SH3PXD2A: variants seen among roughly 807,000 people sequenced by gnomAD.
The protein encoded by SH3PXD2A is SH3 and PX domains 2A.
In SH3PXD2A, 32 loss-of-function variants were observed where a neutral mutation model predicts 115.2. That is an observed-to-expected ratio of 0.28 (90% CI 0.21 to 0.37). The LOEUF (loss-of-function observed/expected upper bound fraction) is 0.37. Ranked by LOEUF, SH3PXD2A falls within the 10% of genes least tolerant of loss-of-function variation. The pLI is 1.00. For synonymous variants in SH3PXD2A, 610 were observed against 629.1 expected, an observed-to-expected ratio of 0.97 and a Z score of 0.45; for missense variants, 1,328 against 1,498.7, an observed-to-expected ratio of 0.89 and a Z score of 1.88.
In SH3PXD2A at chr10:103,613,075, C is replaced by G; in HGVS notation, c.1036G>C (p.Glu346Gln). The G allele has an allele frequency of 6.2e-7, 1 of 1,614,242 alleles. No individual in the cohort carries two copies. Among genetic ancestry groups the G allele is most frequent in the Non-Finnish European group, 8.5e-7 (1 of 1,180,030 alleles). The change falls in exon 12 of 15, where the codon GAG becomes CAG. Residue 346 changes from glutamate to glutamine, a missense_variant. Glu to Gln is a conservative substitution (Grantham distance 29). This residue lies in a region of SH3PXD2A where 509 missense variants were observed against 628.3 expected (regional missense o/e 0.81). Transcript: ENST00000369774. ...GPVEIIGNIMEISNLLNKKAS... is the reference protein window; with the variant it reads ...GPVEIIGNIMQISNLLNKKAS... ...TTCTTGTTCAGCAGGTTGCTGATCT[C>G]CATGATGTTCCCAATGATCTCCACT...
At chr10:103,605,114 T>TG (rs946223030) in intron 14 of SH3PXD2A, among the ~76,000 whole-genome samples, 5 of 152,126 alleles carry the variant, frequency 3.3e-5, no homozygotes, top group African/African-American at 9.7e-5. Context: ...GAAGACATGC[T>TG]GGGGGGTGGA....
chr10:103,604,679 G>T (rs1411579200), intron 14 of SH3PXD2A, among the ~76,000 whole-genome samples: 1 of 152,196 alleles, frequency 6.6e-6, no homozygotes, highest in African/African-American at 2.4e-5. Context: ...GGCAAGAAGA[G>T]ACCAGTCCTC....
At position 103,612,913 on chromosome 10, in the gene SH3PXD2A, A is replaced by T; in HGVS notation, c.1198T>A (p.Ser400Thr). Residue 400 changes from serine (S) to threonine (T), a missense_variant, in exon 12 of 15, where the codon TCC becomes ACC. This residue lies in a region of SH3PXD2A where 509 missense variants were observed against 628.3 expected (regional missense o/e 0.81). Transcript: ENST00000369774. ...SAVGVPDRTV[S>T]RLAQGSPAVA... is the part of the protein sequence containing the mutation. The stretch of plus-strand genomic sequence containing the variant: ...GCTGGAGAGCCCTGGGCCAGCCTGG[A>T]GACAGTCCTGTCAGGAACGCCCACG... The T allele has an allele frequency of 1.2e-6, 2 of 1,611,394 alleles. No homozygotes were observed. Among genetic ancestry groups the T allele is most frequent in the Non-Finnish European group, 1.7e-6 (2 of 1,178,754 alleles).
Position 103,709,024 on chromosome 10 carries a change from C to T in SH3PXD2A, c.398+15246G>A, listed in dbSNP as rs2038015852. Among the ~76,000 whole-genome samples the T allele has an allele frequency of 2.0e-5, 3 of 152,128 alleles. No individual in the cohort carries two copies. In the South Asian group the frequency reaches 6.2e-4, roughly 32 times the overall value. ...CCTTCAATTCCCTGGCTTGCAGGCA[C>T]AGCCTGGTCTAAGCTGCAGCCTGCC... On this transcript the variant is annotated intron_variant, in intron 5 of 14. Coordinates refer to ENST00000369774, the MANE Select transcript of SH3PXD2A (RefSeq NM_001394015.1).
chr10:103,771,775 ACACACAG>A (rs1486951053), intron 2 of SH3PXD2A, among the ~76,000 whole-genome samples: 1 of 151,786 alleles, frequency 6.6e-6, no homozygotes, highest in African/African-American at 2.4e-5. Context: ...ACACACACAC[ACACACAG>A]ACACACACAT....
intron 2 of SH3PXD2A, among the ~76,000 whole-genome samples, chr10:103,772,570 G>C (rs1244485991): frequency 1.3e-5 from 2 of 152,244 alleles, no homozygotes; most frequent in Non-Finnish European, 2.9e-5. Context: ...GAACCTCGCA[G>C]TGTGTGGAGG....
chr10:103,652,800 C>T (rs1167489819), intron 8 of SH3PXD2A, among the ~76,000 whole-genome samples: 1 of 152,180 alleles, frequency 6.6e-6, no homozygotes, highest in East Asian at 1.9e-4. Context: ...GGGTTGCCCA[C>T]TCACAGGACA....
intron 13 of SH3PXD2A, chr10:103,608,891 AG>A (rs1247161997): frequency 2.0e-5 from 3 of 152,192 alleles, no homozygotes; most frequent in Non-Finnish European, 4.4e-5. Flanking sequence ...CTGTAATCGT[AG>A]TGCTTTGGGA....
intron 2 of SH3PXD2A, among the ~76,000 whole-genome samples, chr10:103,785,313 G>A (rs1451994316): frequency 6.6e-6 from 1 of 152,142 alleles, no homozygotes; most frequent in Non-Finnish European, 1.5e-5. Flanking sequence ...GGGTGGGCAG[G>A]GATTAGGCAA....
rs917784003 is a variant in SH3PXD2A at position 103,595,155 on chromosome 10, A to G, written c.*6661T>C. On this transcript the variant is annotated 3_prime_UTR_variant, in exon 15 of 15. Coordinates refer to ENST00000369774, the MANE Select transcript of SH3PXD2A (RefSeq NM_001394015.1). ...TGACTTCTCTCTGCTAAGTAAATCA[A>G]TGACCATTCATTGAGAACTGATGGG... is the stretch of plus-strand genomic sequence containing the variant. 8.5e-5 allele frequency: 13 copies of G among 152,192 alleles called. 1 individual carries two copies. Among genetic ancestry groups the G allele is most frequent in the Admixed American group, 7.2e-4 (11 of 15,278 alleles). The allele number at this position is 152,192 out of a possible 1,614,324, so 9.4% of individuals were successfully genotyped here. A position where few individuals can be genotyped will look rare whatever the true frequency, so the allele number is the denominator to read the frequency against.
chr10:103,806,993 T>C (rs544870818), intron 1 of SH3PXD2A, among the ~76,000 whole-genome samples: 1 of 152,306 alleles, frequency 6.6e-6, no homozygotes, highest in East Asian at 1.9e-4. Context: ...TGGGCTGCCT[T>C]CTGTCTGCTC....
chr10:103,739,522 A>C (rs2038420088), intron 3 of SH3PXD2A, among the ~76,000 whole-genome samples: 1 of 152,138 alleles, frequency 6.6e-6, no homozygotes, highest in African/African-American at 2.4e-5. Context: ...TAGGAATCCA[A>C]ACCACACTCT....
chr10:103,664,234 G>A (rs886863084), intron 7 of SH3PXD2A, among the ~76,000 whole-genome samples: 1 of 152,222 alleles, frequency 6.6e-6, no homozygotes, highest in African/African-American at 2.4e-5. Flanking sequence ...TGAGAAGAGT[G>A]GGAAAGAAAG....
In SH3PXD2A at chr10:103,597,124, C is replaced by G. The variant is rs909648799; in HGVS notation, c.*4692G>C. 1.3e-5 allele frequency: 2 copies of G among 152,676 alleles called. No homozygotes were observed. The highest frequency in any genetic ancestry group is 4.8e-5 in the African/African-American group (2 of 41,464). The allele number at this position is 152,676 out of a possible 1,614,324, so 9.5% of individuals were successfully genotyped here. A position where few individuals can be genotyped will look rare whatever the true frequency, so the allele number is the denominator to read the frequency against. ...CCGGAGCAGAATTTGTATGGACTCTCTGGGTGTGGAGCCCAGGCAGGGCTC... is the reference window on the plus strand; with the variant it reads ...CCGGAGCAGAATTTGTATGGACTCTGTGGGTGTGGAGCCCAGGCAGGGCTC... On this transcript the variant is annotated 3_prime_UTR_variant, in exon 15 of 15. Coordinates refer to ENST00000369774, the MANE Select transcript of SH3PXD2A (RefSeq NM_001394015.1).
chr10:103,605,884 A>G lies in SH3PXD2A; in HGVS notation c.1342T>C (p.Ser448Pro), dbSNP rs2036292583. 1 of 1,613,942 alleles carries G rather than the reference A, an allele frequency of 6.2e-7. No individual in the cohort carries two copies. The highest frequency in any genetic ancestry group is 8.5e-7 in the Non-Finnish European group (1 of 1,179,862). The change falls in exon 14 of 15, where the codon TCT (serine) becomes CCT (proline). Residue 448 changes from serine to proline, a missense_variant. Ser to Pro is a moderately conservative substitution (Grantham distance 74). Around this residue, in one of 5 missense-constraint regions of SH3PXD2A, gnomAD observed 509 missense variants for 628.3 expected, o/e 0.81. Transcript: ENST00000369774. The part of the protein sequence containing the change: ...FQLPKPPEPP[S>P]VEVEYYTIAE... The stretch of plus-strand genomic sequence containing the variant: ...ATGGTGTAGTACTCCACCTCAACAG[A>G]AGGGGGCTCTGGTGGCTTTGGCAGT...
chr10:103,822,002 C>A (rs1336793584), intron 1 of SH3PXD2A, among the ~76,000 whole-genome samples: 5 of 152,006 alleles, frequency 3.3e-5, no homozygotes, highest in African/African-American at 1.2e-4. Flanking sequence ...CTCCTGGGTT[C>A]AAGTAATTCT....
At chr10:103,820,475 C>T (rs2039367186) in intron 1 of SH3PXD2A, among the ~76,000 whole-genome samples, 2 of 152,208 alleles carry the variant, frequency 1.3e-5, no homozygotes, top group African/African-American at 4.8e-5. Flanking sequence ...CCTCATCAGG[C>T]TGAGGTTGAG....
chr10:103,664,436 T>G (rs1434891093), intron 7 of SH3PXD2A, among the ~76,000 whole-genome samples: 1 of 152,170 alleles, frequency 6.6e-6, no homozygotes, highest in Non-Finnish European at 1.5e-5. Flanking sequence ...ATGGCCCCGT[T>G]TCACGCATGG....
In SH3PXD2A at chr10:103,603,038, C is replaced by T. The variant is rs1319459698; in HGVS notation, c.2180G>A (p.Gly727Asp). The T allele has an allele frequency of 1.2e-6, 2 of 1,614,032 alleles. No individual in the cohort carries two copies. The highest frequency in any genetic ancestry group is 2.2e-5 in the East Asian group (1 of 44,890). ...DLKPRSASDA[G>D]IRGTPKVRAK... The stretch of plus-strand genomic sequence containing the variant: ...CCTGACCTTGGGAGTGCCGCGGATG[C>T]CTGCGTCCGAAGCAGAGCGGGGCTT... Residue 727 changes from glycine to aspartate, a missense_variant, in exon 15 of 15, where the codon GGC (glycine) becomes GAC (aspartate). Transcript: ENST00000369774.
Sources: gnomAD v4.1 joint callset for allele counts (sites outside exome capture counted in the v4.1 genomes callset) on GRCh38, gnomAD v4.1.1 for gene constraint, gnomAD v4.1.1 regional missense constraint, MANE v1.5 for transcripts, NCBI Gene and HGNC (gene_info 2026-07-23, HGNC 2026-07-21) for gene names.